The following CAMK4 variants were observed in gnomAD, a reference collection of about 807,000 sequenced individuals.
CAMK4 encodes calcium/calmodulin dependent protein kinase IV, also known as calcium/calmodulin-dependent protein kinase type IV.
A neutral mutation model predicts 44.9 loss-of-function variants in CAMK4; 22 were observed. The observed-to-expected ratio is 0.49, with a 90% CI of 0.35 to 0.70. The LOEUF (loss-of-function observed/expected upper bound fraction) is 0.70, where lower values mean the gene tolerates loss of function less well. CAMK4 is among the 30% of genes least tolerant of loss of function. CAMK4 has a pLI of 0.01. For synonymous variants in CAMK4, 218 were observed against 215.4 expected (o/e 1.01, Z -0.11); for missense variants, 498 against 586.8 (o/e 0.85, Z 1.56).
chr5:111,360,978 T>C (rs1240539288), intron 2 of CAMK4, among the ~76,000 whole-genome samples: 1 of 152,070 alleles, frequency 6.6e-6, no homozygotes, highest in African/African-American at 2.4e-5. Context: ...ATTAATTTCT[T>C]CTGTACTTTT....
rs4957955 is a variant in CAMK4 at position 111,490,390 on chromosome 5, C to T, written c.*5924C>T. ...TTGGGAGGCCGAGGTTGGCAGATCA[C>T]CTGAGGTCAGGAGTTTGAGACCAGC... On this transcript the variant is annotated 3_prime_UTR_variant, in exon 11 of 11. Transcript: ENST00000282356. The T allele has an allele frequency of 0.025, 3,879 of 152,354 alleles. 128 individuals carry two copies. The highest frequency in any genetic ancestry group is 0.12 in the East Asian group (637 of 5,156). 9.4% of individuals were successfully genotyped at this position (152,354 alleles called of 1,614,324 possible).
intron 7 of CAMK4, among the ~76,000 whole-genome samples, chr5:111,452,618 T>A (rs1008026180): frequency 8.5e-5 from 13 of 152,244 alleles, no homozygotes; most frequent in South Asian, 2.1e-4. Flanking sequence ...TCTACTTTTT[T>A]AAAATATTTA....
intron 7 of CAMK4, chr5:111,449,763 G>A (rs1754163157): frequency 1.3e-5 from 2 of 152,228 alleles, no homozygotes; most frequent in Admixed American, 6.5e-5. Flanking sequence ...AGAGTGGGCT[G>A]AAGGCATTGC....
chr5:111,230,631 G>C (rs1748424681), intron 1 of CAMK4, among the ~76,000 whole-genome samples: 1 of 151,128 alleles, frequency 6.6e-6, no homozygotes, highest in Admixed American at 6.6e-5. Flanking sequence ...GAAAGAGAGA[G>C]AGAAAAAGAA....
At chr5:111,231,981 A>T (rs1018788076) in intron 1 of CAMK4, among the ~76,000 whole-genome samples, 2 of 152,236 alleles carry the variant, frequency 1.3e-5, no homozygotes, top group Non-Finnish European at 2.9e-5. Context: ...TTTCTTCTTG[A>T]TGTAATCAGA....
chr5:111,396,631 C>CTTTTTTTTTTTTTTTTTTTTTTTTTTT lies in CAMK4; in HGVS notation c.459+1850_459+1876dup, dbSNP rs540495109. Reference sequence around the variant, plus strand: ...ACTTTAATTGCCATTAACTCATATTCTTTTTTTTTTTTTTTTTTTTTTTTT... The same window carrying CTTTTTTTTTTTTTTTTTTTTTTTTTTT: ...ACTTTAATTGCCATTAACTCATATTCTTTTTTTTTTTTTTTTTTTTTTTTTTTTTTTTTTTTTTTTTTTTTTTTTTTT... On this transcript the variant is annotated intron_variant, in intron 5 of 10. Transcript: ENST00000282356. Among the ~76,000 whole-genome samples the CTTTTTTTTTTTTTTTTTTTTTTTTTTT allele has an allele frequency of 1.7e-4, 8 of 47,010 alleles. 3 individuals are homozygous for CTTTTTTTTTTTTTTTTTTTTTTTTTTT. The highest frequency in any genetic ancestry group is 2.6e-4 in the African/African-American group (3 of 11,436). 30.8% of individuals were successfully genotyped at this position (47,010 alleles called of 152,430 possible).
chr5:111,432,293 C>T (rs80333217), intron 5 of CAMK4, among the ~76,000 whole-genome samples: 3,533 of 151,916 alleles, frequency 0.023, 48 homozygotes, highest in Middle Eastern at 0.041. Context: ...TTTGTAAGTT[C>T]TAAAAATCAA....
At chr5:111,369,590 C>T (rs961263966) in intron 2 of CAMK4, among the ~76,000 whole-genome samples, 1 of 151,982 alleles carries the variant, frequency 6.6e-6, no homozygotes, top group African/African-American at 2.4e-5. Context: ...TCTAATCGAA[C>T]ACAGCTTGAT....
chr5:111,333,490 A>C (rs1356188503), intron 1 of CAMK4, among the ~76,000 whole-genome samples: 2 of 151,710 alleles, frequency 1.3e-5, no homozygotes, highest in East Asian at 2.0e-4. Flanking sequence ...TGTGATTGAG[A>C]ACCAATACTC....
chr5:111,348,531 A>G (rs1269445380), intron 2 of CAMK4, among the ~76,000 whole-genome samples: 1 of 152,058 alleles, frequency 6.6e-6, no homozygotes, highest in African/African-American at 2.4e-5. Context: ...GTATAACATC[A>G]TGTATTTAAT....
At chr5:111,279,002 A>G (rs1580522292) in intron 1 of CAMK4, among the ~76,000 whole-genome samples, 1 of 152,138 alleles carries the variant, frequency 6.6e-6, no homozygotes, top group East Asian at 1.9e-4. Flanking sequence ...GTTAGAGACT[A>G]TGATGGTGTA....
intron 1 of CAMK4, among the ~76,000 whole-genome samples, chr5:111,232,029 G>C (rs565876992): frequency 6.6e-6 from 1 of 152,092 alleles, no homozygotes; most frequent in Non-Finnish European, 1.5e-5. Flanking sequence ...GGATGTTCTC[G>C]CTCTCTCTTT....
intron 5 of CAMK4, among the ~76,000 whole-genome samples, chr5:111,435,294 T>C (rs980844756): frequency 2.6e-5 from 4 of 152,184 alleles, no homozygotes; most frequent in African/African-American, 9.6e-5. Context: ...TCACTCTTTG[T>C]CATGTTTGAC....
At chr5:111,427,615 C>A (rs1031115727) in intron 5 of CAMK4, among the ~76,000 whole-genome samples, 1 of 152,158 alleles carries the variant, frequency 6.6e-6, no homozygotes, top group Non-Finnish European at 1.5e-5. Flanking sequence ...TGGCATTCCT[C>A]GTGGCCTGAG....
rs975789560 is a variant in CAMK4, at chr5:111,419,566, T to C, written c.459+24784T>C. Reference sequence around the variant, plus strand: ...TGCCTAGGTTTTCTTCTAGGGTTTTTATGGTTTTAGGTCTAACATGTAAGT... The same window carrying C: ...TGCCTAGGTTTTCTTCTAGGGTTTTCATGGTTTTAGGTCTAACATGTAAGT... On this transcript the variant is annotated intron_variant, in intron 5 of 10. Transcript: ENST00000282356. Among the ~76,000 whole-genome samples, 14 of 152,364 alleles carry C rather than the reference T, an allele frequency of 9.2e-5. 1 individual carries two copies. The East Asian group carries it at 1.4e-3, about 15-fold the overall frequency.
At chr5:111,291,655 C>G (rs563800079) in intron 1 of CAMK4, among the ~76,000 whole-genome samples, 113 of 152,232 alleles carry the variant, frequency 7.4e-4, no homozygotes, top group African/African-American at 2.6e-3. Flanking sequence ...GGACCACAGG[C>G]AAGGACCACC....
At chr5:111,365,811 C>T (rs1051858684) in intron 2 of CAMK4, among the ~76,000 whole-genome samples, 1 of 152,072 alleles carries the variant, frequency 6.6e-6, no homozygotes, top group Non-Finnish European at 1.5e-5. Context: ...AATAATCAGA[C>T]TTGATTAAAA....
chr5:111,427,697 T>C (rs543498575), intron 5 of CAMK4, among the ~76,000 whole-genome samples: 2 of 152,240 alleles, frequency 1.3e-5, no homozygotes, highest in South Asian at 4.2e-4. Flanking sequence ...GTCTTGTGGT[T>C]TGAGTGCCAG....
At chr5:111,321,031 A>G (rs1748641373) in intron 1 of CAMK4, among the ~76,000 whole-genome samples, 3 of 152,168 alleles carry the variant, frequency 2.0e-5, no homozygotes, top group African/African-American at 7.2e-5. Flanking sequence ...CTGAATTATA[A>G]AGAGGTGACA....
Sources: allele counts gnomAD v4.1 joint callset (sites outside exome capture counted in the v4.1 genomes callset), GRCh38; gene constraint gnomAD v4.1.1; transcripts MANE v1.5; gene names NCBI Gene and HGNC (gene_info 2026-07-23, HGNC 2026-07-21).